The following BIRC6 variants were observed in gnomAD, a reference collection of about 807,000 sequenced individuals.
BIRC6 encodes dual E2 ubiquitin-conjugating enzyme/E3 ubiquitin-protein ligase BIRC6.
Under a neutral mutation model 503.3 loss-of-function variants are expected in BIRC6, and 98 were observed. The ratio of observed to expected loss-of-function variants is 0.19; its 90% CI spans 0.17 to 0.23. The LOEUF (loss-of-function observed/expected upper bound fraction) is 0.23, where lower values mean the gene tolerates loss of function less well. BIRC6 is among the 10% of genes least tolerant of loss of function. BIRC6 has a pLI of 1.00. For missense variants in BIRC6, 5,360 were observed against 5,806.0 expected, an observed-to-expected ratio of 0.92 and a Z score of 2.50; for synonymous variants, 2,240 against 2,078.7, an observed-to-expected ratio of 1.08 and a Z score of -2.11.
intron 1 of BIRC6, among the ~76,000 whole-genome samples, chr2:32,358,307 T>G (rs948447241): frequency 3.9e-5 from 6 of 152,182 alleles, no homozygotes; most frequent in African/African-American, 1.4e-4. Context: ...TGAAGGTGTG[T>G]CTGAGTCTCA....
rs973259918 is a variant in BIRC6, at chr2:32,435,508, A to G, written c.3422A>G (p.Glu1141Gly). 6.4e-7 allele frequency: 1 copy of G among 1,553,524 alleles called. No individual in the cohort carries two copies. The highest frequency in any genetic ancestry group is 2.0e-5 in the Admixed American group (1 of 51,022). ...CCTTTGTCTCCAGCTCTTAACATTG[A>G]AGTGGAACAAAATGGGAAACCGTCC... ...GLGKVNALNI[E>G]VEQNGKPSLV... Residue 1141 changes from glutamate to glycine, a missense_variant, in exon 14 of 74, where the codon GAA becomes GGA. Glu to Gly is a moderately conservative substitution (Grantham distance 98). Around this residue, in one of 16 missense-constraint regions of BIRC6, gnomAD observed 2,299 missense variants for 2,267.2 expected, o/e 1.01. Transcript: ENST00000421745.
Position 32,470,171 on chromosome 2 carries a change from C to T in BIRC6, c.6351C>T (p.Val2117=). 6.5e-7 allele frequency: 1 copy of T among 1,530,776 alleles called. No individual in the cohort carries two copies. Among genetic ancestry groups the T allele is most frequent in the Non-Finnish European group, 8.8e-7 (1 of 1,141,252 alleles). The allele number at this position is 1,530,776 out of a possible 1,614,324, so 94.8% of individuals were successfully genotyped here. A position where few individuals can be genotyped will look rare whatever the true frequency, so the allele number is the denominator to read the frequency against. Residue 2117 remains valine, a synonymous_variant, in exon 31 of 74, where the codon GTC becomes GTT. Transcript: ENST00000421745. ...EQLLIFPQDR[V]FMLLSCIGQR... ...TTTTTGTTTGTTTTGTTTTTAGGGTCTTCATGTTACTTTCCTGCATTGGTC... is the reference window on the plus strand; with the variant it reads ...TTTTTGTTTGTTTTGTTTTTAGGGTTTTCATGTTACTTTCCTGCATTGGTC...
chr2:32,418,341 A>G (rs2042593867), intron 10 of BIRC6, among the ~76,000 whole-genome samples: 1 of 152,202 alleles, frequency 6.6e-6, no homozygotes, highest in Non-Finnish European at 1.5e-5. Flanking sequence ...CACCAACTTT[A>G]ATATACTATT....
At chr2:32,376,377 A>G (rs1368001763) in intron 1 of BIRC6, among the ~76,000 whole-genome samples, 2 of 152,044 alleles carry the variant, frequency 1.3e-5, no homozygotes, top group Non-Finnish European at 2.9e-5. Flanking sequence ...ACTACAGCTA[A>G]TTTTATTTAG....
chr2:32,604,790 C>T (rs1168511803), intron 71 of BIRC6, among the ~76,000 whole-genome samples: 1 of 152,052 alleles, frequency 6.6e-6, no homozygotes, highest in Non-Finnish European at 1.5e-5. Flanking sequence ...TAGGTAAACT[C>T]ACGTCACAAG....
Position 32,415,799 on chromosome 2 carries a change from A to G in BIRC6, c.2508A>G (p.Ile836Met), listed in dbSNP as rs1278423375. The part of the protein sequence containing the change: ...VLYKMNYATR[I>M]VTLEEEPIKI... ...ATAAAATGAATTATGCCACTCGGATAGTGACTTTAGAAGAGGAGCCAATAA... is the reference window on the plus strand; with the variant it reads ...ATAAAATGAATTATGCCACTCGGATGGTGACTTTAGAAGAGGAGCCAATAA... Residue 836 changes from isoleucine (I) to methionine (M), a missense_variant, in exon 10 of 74, where the codon ATA (isoleucine) becomes ATG (methionine). By Grantham distance (10) the Ile-to-Met change is conservative. Transcript: ENST00000421745. 8 of 1,613,698 alleles carry G rather than the reference A, an allele frequency of 5.0e-6. No homozygotes were observed. In the African/African-American group the frequency reaches 5.3e-5, roughly 11 times the overall value.
At chr2:32,563,138 A>G (rs574955383) in intron 65 of BIRC6, among the ~76,000 whole-genome samples, 16 of 152,334 alleles carry the variant, frequency 1.1e-4, no homozygotes, top group African/African-American at 3.6e-4. Flanking sequence ...TTTGGTTGGA[A>G]CAATGTGTCC....
intron 14 of BIRC6, 53 bp from the exon 15 acceptor site, chr2:32,436,000 A>G: frequency 9.0e-7 from 1 of 1,108,776 alleles, no homozygotes; most frequent in Non-Finnish European, 1.2e-6. Context: ...CTTATTAAAT[A>G]TTACATTTTA....
chr2:32,607,242 A>G (rs2062537046), intron 71 of BIRC6, among the ~76,000 whole-genome samples: 1 of 152,096 alleles, frequency 6.6e-6, no homozygotes, highest in Non-Finnish European at 1.5e-5. Flanking sequence ...GTAAAAACAG[A>G]TGTGTAAGTA....
At chr2:32,413,886 A>C (rs969489874) in intron 9 of BIRC6, among the ~76,000 whole-genome samples, 1 of 152,176 alleles carries the variant, frequency 6.6e-6, no homozygotes, top group Non-Finnish European at 1.5e-5. Flanking sequence ...TATAATATCT[A>C]CTACAATGTA....
chr2:32,603,545 A>C (rs1197160121), intron 71 of BIRC6, among the ~76,000 whole-genome samples: 1 of 152,008 alleles, frequency 6.6e-6, no homozygotes, highest in East Asian at 1.9e-4. Context: ...TAAGACCCGC[A>C]TCTCTACTAA....
At chr2:32,491,281 A>T in intron 43 of BIRC6, 144 bp from the exon 44 acceptor site, 1 of 776,786 alleles carries the variant, frequency 1.3e-6, no homozygotes, top group South Asian at 2.2e-5. Flanking sequence ...CTTAGTCAAT[A>T]TAGTAGAAAC....
intron 10 of BIRC6, among the ~76,000 whole-genome samples, chr2:32,426,974 C>T (rs1183045938): frequency 6.6e-6 from 1 of 152,108 alleles, no homozygotes. Context: ...TCCATTGTTT[C>T]TCATAGTGAT....
At position 32,611,428 on chromosome 2, in the gene BIRC6, C is replaced by T; in HGVS notation, c.14260-20C>T. ...TTTGACTGTAAACACTGCTTGTTCT[C>T]CTGTTTACTTTTTCTCAAGGTAATA... On this transcript the variant is annotated intron_variant, in intron 72 of 73. Transcript: ENST00000421745. 3 of 1,587,040 alleles carry T rather than the reference C, an allele frequency of 1.9e-6. No homozygotes were observed. The highest frequency in any genetic ancestry group is 2.3e-5 in the South Asian group (2 of 86,688).
intron 38 of BIRC6, 92 bp from the exon 39 acceptor site, chr2:32,482,337 T>A: frequency 8.2e-7 from 1 of 1,213,824 alleles, no homozygotes; most frequent in East Asian, 2.4e-5. Context: ...AATATTTATT[T>A]TGTAGTTCTG....
rs1003404856 is a variant in BIRC6 at position 32,377,288 on chromosome 2, C to T, written c.326-300C>T. On this transcript the variant is annotated intron_variant, in intron 1 of 73. Transcript: ENST00000421745. ...TTTTATTCTACTTGAGAGTTGGTTG[C>T]ATATATCATGCTCATTTTCCCTATA... is the stretch of plus-strand genomic sequence containing the variant. 7.5e-5 allele frequency among the ~76,000 whole-genome samples: 11 copies of T among 147,570 alleles called. No homozygotes were observed. In the East Asian group the frequency reaches 2.0e-3, roughly 27 times the overall value.
chr2:32,524,566 A>T (rs1053933629), intron 57 of BIRC6, among the ~76,000 whole-genome samples: 1 of 152,176 alleles, frequency 6.6e-6, no homozygotes, highest in African/African-American at 2.4e-5. Context: ...AGCACATTGA[A>T]CTATGGCTAA....
In BIRC6 at chr2:32,464,500, C is replaced by A. The variant is rs1403298256; in HGVS notation, c.4942-9C>A. On this transcript the variant is annotated splice_polypyrimidine_tract_variant and intron_variant, in intron 24 of 73. Coordinates refer to ENST00000421745, the MANE Select transcript of BIRC6 (RefSeq NM_016252.4). ...TAGTCTATATATGTTGCTTTTACTTCTTTTGCAGAAAGCAAAGCTGGAAGC... is the reference window on the plus strand; with the variant it reads ...TAGTCTATATATGTTGCTTTTACTTATTTTGCAGAAAGCAAAGCTGGAAGC... The A allele has an allele frequency of 6.4e-7, 1 of 1,552,224 alleles. No homozygotes were observed.
intron 37 of BIRC6, among the ~76,000 whole-genome samples, chr2:32,479,832 A>T (rs1030737457): frequency 2.0e-5 from 3 of 152,222 alleles, no homozygotes; most frequent in Non-Finnish European, 4.4e-5. Flanking sequence ...TTATGTTGAT[A>T]TAGTGTGATT....
Sources: gnomAD v4.1 joint callset for allele counts (sites outside exome capture counted in the v4.1 genomes callset) on GRCh38, gnomAD v4.1.1 for gene constraint, gnomAD v4.1.1 regional missense constraint, MANE v1.5 for transcripts, NCBI Gene and HGNC (gene_info 2026-07-23, HGNC 2026-07-21) for gene names.